The following HSPG2 variants were observed in gnomAD, a reference collection of about 807,000 sequenced individuals.
HSPG2 encodes the protein heparan sulfate proteoglycan 2, also known as basement membrane-specific heparan sulfate proteoglycan core protein.
A neutral mutation model predicts 526.6 loss-of-function variants in HSPG2; 278 were observed. That is an observed-to-expected ratio of 0.53 (90% CI 0.48 to 0.58). The LOEUF is 0.58. Among genes scored for constraint, HSPG2 ranks in the 20% least tolerant of loss-of-function variants. The probability of loss-of-function intolerance (pLI) is 0.00; values close to 1 mark genes in which losing one functional copy is unlikely to be tolerated. For missense variants in HSPG2, 5,354 were observed against 6,099.5 expected, an observed-to-expected ratio of 0.88 and a Z score of 4.07; for synonymous variants, 2,465 against 2,555.4, an observed-to-expected ratio of 0.96 and a Z score of 1.07.
chr1:21,876,295 G>A lies in HSPG2; in HGVS notation c.2937C>T (p.Ser979=). Reference sequence around the variant, plus strand: ...GTCCAGATAAGAGTCTGTGGAAGGAGGAGAATCCCAGTTCCCCGGGCGTGG... The same window carrying A: ...GTCCAGATAAGAGTCTGTGGAAGGAAGAGAATCCCAGTTCCCCGGGCGTGG... ...FSPTPGELGF[S]SFHRLLSGPY... The change falls in exon 23 of 97, where the codon TCC becomes TCT. Residue 979 remains serine (S), a synonymous_variant. Transcript: ENST00000374695. The A allele has an allele frequency of 6.2e-7, 1 of 1,614,098 alleles. No individual in the cohort carries two copies. The highest frequency in any genetic ancestry group is 8.5e-7 in the Non-Finnish European group (1 of 1,180,012).
chr1:21,914,128 A>G (rs919852657), intron 1 of HSPG2, among the ~76,000 whole-genome samples: 18 of 152,208 alleles, frequency 1.2e-4, no homozygotes, highest in African/African-American at 4.3e-4. Context: ...AGGTACTATG[A>G]GCCACACAAT....
At chr1:21,927,563 C>T (rs1344737762) in intron 1 of HSPG2, among the ~76,000 whole-genome samples, 1 of 152,128 alleles carries the variant, frequency 6.6e-6, no homozygotes, top group Non-Finnish European at 1.5e-5. Context: ...CCTCAGGATG[C>T]ACGAACATCC....
intron 85 of HSPG2, chr1:21,830,370 TG>T: frequency 2.2e-6 from 1 of 447,712 alleles, no homozygotes; most frequent in East Asian, 4.3e-5. Flanking sequence ...TGGCGGGTAA[TG>T]GGGTGGGCAC....
chr1:21,902,400 G>C (rs1160982628), intron 1 of HSPG2, among the ~76,000 whole-genome samples: 1 of 152,192 alleles, frequency 6.6e-6, no homozygotes, highest in Non-Finnish European at 1.5e-5. Flanking sequence ...GCTTCTTTGT[G>C]CCAGGGGCTG....
Position 21,875,679 on chromosome 1 carries a change from G to C in HSPG2, c.3252C>G (p.Ile1084Met). Residue 1084 changes from isoleucine (I) to methionine (M), a missense_variant, in exon 25 of 97, where the codon ATC becomes ATG. Physicochemically the swap from Ile to Met is conservative, Grantham distance 10 (BLOSUM62 1). Coordinates refer to ENST00000374695, the MANE Select transcript of HSPG2 (RefSeq NM_005529.7). ...REHLLMALAG[I>M]DTLLIRASYA... is the part of the protein sequence containing the mutation. ...AGGATGCTCGGATCAGGAGGGTGTC[G>C]ATGCCTGCCAGTGCCATCAGCAGGT... 2 of 1,603,930 alleles carry C rather than the reference G, an allele frequency of 1.2e-6. No individual in the cohort carries two copies. The highest frequency in any genetic ancestry group is 1.3e-5 in the African/African-American group (1 of 75,056).
At chr1:21,861,129 T>C (rs145979174) in intron 39 of HSPG2, among the ~76,000 whole-genome samples, 1 of 152,318 alleles carries the variant, frequency 6.6e-6, no homozygotes, top group African/African-American at 2.4e-5. Context: ...AGGGCTGATC[T>C]CTTATTAGGT....
intron 21 of HSPG2, among the ~76,000 whole-genome samples, chr1:21,877,128 A>C (rs915574900): frequency 5.9e-5 from 9 of 152,118 alleles, no homozygotes; most frequent in Non-Finnish European, 1.3e-4. Flanking sequence ...TGCCATCTGA[A>C]TAGTAATTCC....
At chr1:21,835,747 G>A in intron 75 of HSPG2, 110 bp from the exon 76 acceptor site, 1 of 750,000 alleles carries the variant, frequency 1.3e-6, no homozygotes, top group Admixed American at 2.1e-5. Context: ...ACTTTGGGAG[G>A]CTGAGGCAGG....
intron 55 of HSPG2, 111 bp downstream of exon 55, chr1:21,851,435 T>C (rs1638887248): frequency 6.6e-7 from 1 of 1,513,868 alleles, no homozygotes; most frequent in Non-Finnish European, 9.1e-7. Flanking sequence ...ATCTGTGCAA[T>C]GGGGTCCAGG....
Position 21,848,926 on chromosome 1 carries a change from C to T in HSPG2, c.7552G>A (p.Val2518Ile), listed in dbSNP as rs777467412. 6.2e-7 allele frequency: 1 copy of T among 1,613,974 alleles called. No individual in the cohort carries two copies. The highest frequency in any genetic ancestry group is 2.2e-5 in the East Asian group (1 of 44,866). The change falls in exon 58 of 97, where the codon GTC becomes ATC. Residue 2518 changes from valine to isoleucine, a missense_variant. Coordinates refer to ENST00000374695, the MANE Select transcript of HSPG2 (RefSeq NM_005529.7). The surrounding 1 kb of genome is among the most constrained non-coding windows in gnomAD (Gnocchi z 4.9). ...SSGTQEASVL[V>I]TIQQRLSGSH... ...CCACTAAGGCGCTGCTGGATGGTGA[C>T]AAGGACTGAGGCTTCCTGGGTACCT... is the stretch of plus-strand genomic sequence containing the variant.
intron 67 of HSPG2, 56 bp from the exon 68 acceptor site, chr1:21,842,436 T>TC: frequency 6.6e-7 from 1 of 1,510,930 alleles, no homozygotes; most frequent in South Asian, 1.3e-5. Flanking sequence ...ACAAGGAATG[T>TC]CCCCAAGCCC....
intron 1 of HSPG2, among the ~76,000 whole-genome samples, chr1:21,934,559 A>T (rs1489755302): frequency 6.6e-6 from 1 of 151,342 alleles, no homozygotes; most frequent in East Asian, 2.0e-4. Flanking sequence ...GCTTGAGGCC[A>T]GGAGTTTGAG....
chr1:21,829,030 G>A lies in HSPG2; in HGVS notation c.12042C>T (p.His4014=), dbSNP rs1445804824. 1.9e-6 allele frequency: 3 copies of A among 1,551,808 alleles called. No individual in the cohort carries two copies. The highest frequency in any genetic ancestry group is 1.2e-5 in the South Asian group (1 of 84,252). The change falls in exon 88 of 97, where the codon CAC becomes CAT. Residue 4014 remains histidine (H), a synonymous_variant. Transcript: ENST00000374695. ...TGTTGAGACGCTCTGCAGACACACG[G>A]TGCCAGCGGCCCAGGGCCAGCGGCT... ...SAEPLALGRW[H]RVSAERLNKD... is the part of the protein sequence containing the mutation.
Position 21,828,224 on chromosome 1 carries a change from C to T in HSPG2, c.12409+31G>A. The T allele has an allele frequency of 6.2e-7, 1 of 1,613,170 alleles. No individual in the cohort carries two copies. The highest frequency in any genetic ancestry group is 1.6e-4 in the Middle Eastern group (1 of 6,062). ...GGTGTCGCTGACCACCTGTGCCCCT[C>T]CCCTCCGGTGCCCTGGGCAGGCTTT... On this transcript the variant is annotated intron_variant, in intron 89 of 96. Transcript: ENST00000374695. This position sits in a 1 kb window ranked among gnomAD's most constrained non-coding sequence, Gnocchi z 6.0.
At chr1:21,870,303 G>A (rs1196655262) in intron 33 of HSPG2, 1 of 985,944 alleles carries the variant, frequency 1.0e-6, no homozygotes, top group African/African-American at 1.7e-5. Context: ...CCTCTGAGAG[G>A]GATGTGCGGT....
In HSPG2 at chr1:21,865,080, T is replaced by TG. The variant is rs1290648521; in HGVS notation, c.4396-8dup. 3.8e-6 allele frequency: 6 copies of TG among 1,561,016 alleles called. No individual in the cohort carries two copies. Among genetic ancestry groups the TG allele is most frequent in the South Asian group, 2.3e-5 (2 of 86,004 alleles). Reference sequence around the variant, plus strand: ...CGGGCCGGCGCCAGAATTCCTGGGTTGGGGGTGGCAACGTGGGCGGGGGCA... The same window carrying TG: ...CGGGCCGGCGCCAGAATTCCTGGGTTGGGGGGTGGCAACGTGGGCGGGGGCA... On this transcript the variant is annotated splice_polypyrimidine_tract_variant and splice_region_variant and intron_variant, in intron 35 of 96. Coordinates refer to ENST00000374695, the MANE Select transcript of HSPG2 (RefSeq NM_005529.7). This position sits in a 1 kb window ranked among gnomAD's most constrained non-coding sequence, Gnocchi z 5.4.
At chr1:21,891,524 C>T (rs1289142356) in intron 3 of HSPG2, among the ~76,000 whole-genome samples, 1 of 152,232 alleles carries the variant, frequency 6.6e-6, no homozygotes, top group Non-Finnish European at 1.5e-5. Context: ...TCCCCAGTGC[C>T]TGCCGCGTGC....
At position 21,843,311 on chromosome 1, in the gene HSPG2, G is replaced by C; in HGVS notation, c.8744C>G (p.Pro2915Arg). The C allele has an allele frequency of 4.3e-6, 7 of 1,614,076 alleles. No homozygotes were observed. Among genetic ancestry groups the C allele is most frequent in the Non-Finnish European group, 5.9e-6 (7 of 1,180,032 alleles). The change falls in exon 66 of 97, where the codon CCA becomes CGA. Residue 2915 changes from proline (P) to arginine (R), a missense_variant. Transcript: ENST00000374695. ...SVLVTIEPSS[P>R]GPIPAPGLAQ... The stretch of plus-strand genomic sequence containing the variant: ...CTATCACTCACCAGGAATGGGTCCT[G>C]GGCTGGAGGGCTCAATTGTGACCAG...
intron 80 of HSPG2, 33 bp downstream of exon 80, chr1:21,833,235 C>A: frequency 2.5e-6 from 4 of 1,579,416 alleles, no homozygotes; most frequent in Non-Finnish European, 2.6e-6. Flanking sequence ...CAACCCAGGC[C>A]AGCCCACCCC....
Sources: allele counts gnomAD v4.1 joint callset (sites outside exome capture counted in the v4.1 genomes callset), GRCh38; gene constraint gnomAD v4.1.1; non-coding constraint Gnocchi (gnomAD v3.1); transcripts MANE v1.5; gene names NCBI Gene and HGNC (gene_info 2026-07-23, HGNC 2026-07-21).